Variants in SRPK2 observed in about 807,000 individuals in gnomAD.
SRPK2 encodes the protein SRSF protein kinase 2, also known as SFRS protein kinase 2.
In SRPK2, 21 loss-of-function variants were observed where a neutral mutation model predicts 90.8. That is an observed-to-expected ratio of 0.23 (90% CI 0.16 to 0.33). The LOEUF is 0.33. Ranked by LOEUF, SRPK2 falls within the 10% of genes least tolerant of loss-of-function variation. The pLI is 1.00. For missense variants in SRPK2, 620 were observed against 869.0 expected, an observed-to-expected ratio of 0.71 and a Z score of 3.60; for synonymous variants, 288 against 311.1, an observed-to-expected ratio of 0.93 and a Z score of 0.78.
intron 2 of SRPK2, among the ~76,000 whole-genome samples, chr7:105,247,531 AACACACACACAC>A (rs59040708): frequency 4.6e-4 from 67 of 145,162 alleles, no homozygotes; most frequent in Non-Finnish European, 7.8e-4. Flanking sequence ...CACACACATA[AACACACACACAC>A]ACACACACAC....
intron 15 of SRPK2, chr7:105,125,812 TCCCCAACATA>T: frequency 7.7e-7 from 1 of 1,290,940 alleles, no homozygotes; most frequent in Non-Finnish European, 1.0e-6. Flanking sequence ...TTGGAGTATT[TCCCCAACATA>T]GCGTATTTTC....
intron 2 of SRPK2, among the ~76,000 whole-genome samples, chr7:105,362,333 C>T (rs528622665): frequency 1.3e-5 from 2 of 152,072 alleles, no homozygotes; most frequent in South Asian, 2.1e-4. Flanking sequence ...AATGGCCGGG[C>T]GCGGTGGCTC....
At chr7:105,230,785 G>A (rs1257673580) in intron 2 of SRPK2, among the ~76,000 whole-genome samples, 1 of 152,006 alleles carries the variant, frequency 6.6e-6, no homozygotes, top group Non-Finnish European at 1.5e-5. Flanking sequence ...CATATGTTGT[G>A]ATTCTATCTT....
At chr7:105,250,233 G>A (rs893351922) in intron 2 of SRPK2, among the ~76,000 whole-genome samples, 12 of 152,054 alleles carry the variant, frequency 7.9e-5, no homozygotes, top group African/African-American at 2.2e-4. Context: ...TACTCAGGAG[G>A]CTGAGGCAGG....
intron 2 of SRPK2, chr7:105,301,622 G>C: frequency 1.9e-6 from 3 of 1,609,520 alleles, no homozygotes; most frequent in Admixed American, 1.7e-5. Context: ...TTTCAATATA[G>C]GATAGGTGAA....
At chr7:105,149,343 C>T (rs943997986) in intron 7 of SRPK2, among the ~76,000 whole-genome samples, 2 of 152,166 alleles carry the variant, frequency 1.3e-5, no homozygotes, top group Admixed American at 6.5e-5. Context: ...GGTGTACGTG[C>T]ACGTCCAGTC....
In SRPK2 at chr7:105,117,097, T is replaced by C. The variant is rs1279374600; in HGVS notation, c.*741A>G. 6.6e-6 allele frequency: 1 copy of C among 152,210 alleles called. No homozygotes were observed. The highest frequency in any genetic ancestry group is 1.9e-4 in the East Asian group (1 of 5,206). The allele number at this position is 152,210 out of a possible 1,614,324, so 9.4% of individuals were successfully genotyped here. ...AATCACAAATGGGACTGCTAAATTATAATGCATATTTTAGAATGAGAAACA... is the reference window on the plus strand; with the variant it reads ...AATCACAAATGGGACTGCTAAATTACAATGCATATTTTAGAATGAGAAACA... On this transcript the variant is annotated 3_prime_UTR_variant, in exon 16 of 16. Transcript: ENST00000393651.
At chr7:105,302,315 T>C (rs1368084339) in intron 2 of SRPK2, among the ~76,000 whole-genome samples, 1 of 152,238 alleles carries the variant, frequency 6.6e-6, no homozygotes, top group Non-Finnish European at 1.5e-5. Flanking sequence ...TTTAGTATAC[T>C]TTATGAAGCC....
chr7:105,306,960 G>C (rs1811214954), intron 2 of SRPK2, among the ~76,000 whole-genome samples: 1 of 152,312 alleles, frequency 6.6e-6, no homozygotes, highest in South Asian at 2.1e-4. Flanking sequence ...TCTGAATAGA[G>C]AATACAATCC....
chr7:105,335,140 C>T (rs1204070), intron 2 of SRPK2, among the ~76,000 whole-genome samples: 4,551 of 152,274 alleles, frequency 0.03, 234 homozygotes, highest in African/African-American at 0.1. Context: ...CAATGCACTC[C>T]AGCCTGAGCA....
chr7:105,125,187 C>T (rs186059548), intron 15 of SRPK2, among the ~76,000 whole-genome samples: 128 of 151,024 alleles, frequency 8.5e-4, no homozygotes, highest in African/African-American at 3.1e-3. Flanking sequence ...TAAAAATACT[C>T]CTAGGGCTCT....
At chr7:105,173,862 T>G (rs1348559266) in intron 3 of SRPK2, among the ~76,000 whole-genome samples, 1 of 151,928 alleles carries the variant, frequency 6.6e-6, no homozygotes, top group Non-Finnish European at 1.5e-5. Flanking sequence ...ACCTGTACAC[T>G]TCACTATTTG....
chr7:105,329,582 A>G (rs1275611289), intron 2 of SRPK2, among the ~76,000 whole-genome samples: 4 of 151,002 alleles, frequency 2.6e-5, no homozygotes, highest in African/African-American at 9.8e-5. Flanking sequence ...CGACAGAGTG[A>G]GACTCCGTCT....
At chr7:105,260,993 T>G (rs1354513340) in intron 2 of SRPK2, among the ~76,000 whole-genome samples, 2 of 132,238 alleles carry the variant, frequency 1.5e-5, no homozygotes, top group African/African-American at 2.8e-5. Flanking sequence ...GTAACAAACC[T>G]GCACATTGTG....
rs1056575613 is a variant in SRPK2 at position 105,292,476 on chromosome 7, T to C, written c.72-88691A>G. On this transcript the variant is annotated intron_variant, in intron 2 of 15. Coordinates refer to ENST00000393651, the MANE Select transcript of SRPK2 (RefSeq NM_182692.3). The stretch of plus-strand genomic sequence containing the variant: ...TGAGACGTGCCACTACACTCCAGCC[T>C]GGGCGATAGAGTAAGACTCTCAAAA... Among the ~76,000 whole-genome samples the C allele has an allele frequency of 9.7e-5, 11 of 113,292 alleles. No homozygotes were observed. In the East Asian group the frequency reaches 3.0e-3, roughly 31 times the overall value. The allele number at this position is 113,292 out of a possible 152,430, so 74.3% of individuals were successfully genotyped here. A position where few individuals can be genotyped will look rare whatever the true frequency, so the allele number is the denominator to read the frequency against.
chr7:105,388,261 G>A (rs927935638), intron 2 of SRPK2, among the ~76,000 whole-genome samples: 3 of 151,766 alleles, frequency 2.0e-5, no homozygotes, highest in African/African-American at 7.3e-5. Flanking sequence ...CCCGCAGCGG[G>A]CGGGCCGGAG....
chr7:105,132,833 C>G lies in SRPK2; in HGVS notation c.1710G>C (p.Ala570=), dbSNP rs927386267. Residue 570 remains alanine, a synonymous_variant, in exon 13 of 16, where the codon GCG becomes GCC. Coordinates refer to ENST00000393651, the MANE Select transcript of SRPK2 (RefSeq NM_182692.3). ...QYRSIEVLIG[A]GYSTPADIWS... ...AGATGTCCGCAGGGGTGCTGTACCC[C>G]GCTCCTATTAAAACCTCTATGGAGC... 1 of 1,610,320 alleles carries G rather than the reference C, an allele frequency of 6.2e-7. No individual in the cohort carries two copies. Among genetic ancestry groups the G allele is most frequent in the Admixed American group, 1.7e-5 (1 of 59,528 alleles).
At chr7:105,396,313 G>C (rs1822320106) in intron 1 of SRPK2, among the ~76,000 whole-genome samples, 1 of 151,790 alleles carries the variant, frequency 6.6e-6, no homozygotes, top group Non-Finnish European at 1.5e-5. Flanking sequence ...AGTCCAGCCT[G>C]AACAATGAGA....
At chr7:105,283,342 C>T (rs961878239) in intron 2 of SRPK2, among the ~76,000 whole-genome samples, 5 of 152,120 alleles carry the variant, frequency 3.3e-5, no homozygotes, top group African/African-American at 1.2e-4. Context: ...AACTTGTACA[C>T]AAATGTTCAC....
Sources: gnomAD v4.1 joint callset for allele counts (sites outside exome capture counted in the v4.1 genomes callset) on GRCh38, gnomAD v4.1.1 for gene constraint, MANE v1.5 for transcripts, NCBI Gene and HGNC (gene_info 2026-07-23, HGNC 2026-07-21) for gene names.